The following MCPH1 variants were observed in gnomAD, a reference collection of about 807,000 sequenced individuals.
MCPH1 encodes microcephalin.
In MCPH1, 104 loss-of-function variants were observed where a neutral mutation model predicts 84.5. That is an observed-to-expected ratio of 1.23 (90% CI 1.05 to 1.45). The LOEUF (loss-of-function observed/expected upper bound fraction) is 1.45. MCPH1 is among the 40% of genes most tolerant of loss of function. The pLI, the probability that MCPH1 is intolerant of heterozygous loss-of-function variation, is 0.00. For synonymous variants in MCPH1, 514 were observed against 366.8 expected, an observed-to-expected ratio of 1.40 and a Z score of -4.58; for missense variants, 1,498 against 1,005.7, an observed-to-expected ratio of 1.49 and a Z score of -6.62.
intron 13 of MCPH1, among the ~76,000 whole-genome samples, chr8:6,642,454 A>C (rs1344483642): frequency 6.6e-6 from 1 of 152,164 alleles, no homozygotes; most frequent in Non-Finnish European, 1.5e-5. Flanking sequence ...GGGACTTTAG[A>C]GCTTCTTTAA....
intron 12 of MCPH1, among the ~76,000 whole-genome samples, chr8:6,613,231 C>T (rs1375601074): frequency 1.3e-5 from 2 of 152,152 alleles, no homozygotes; most frequent in Non-Finnish European, 2.9e-5. Flanking sequence ...AGGCTGAAGG[C>T]CAGGCAGACG....
chr8:6,590,855 G>A (rs1248982168), intron 12 of MCPH1, among the ~76,000 whole-genome samples: 1 of 152,138 alleles, frequency 6.6e-6, no homozygotes, highest in Non-Finnish European at 1.5e-5. Context: ...CGGGCCTTTG[G>A]ACCTCAAGGC....
intron 8 of MCPH1, among the ~76,000 whole-genome samples, chr8:6,451,633 G>A (rs762304191): frequency 1.3e-5 from 2 of 152,086 alleles, no homozygotes; most frequent in Admixed American, 6.5e-5. Context: ...ATACAGTCTC[G>A]TTAGCAGAGT....
At chr8:6,440,287 C>T (rs1435642700) in intron 6 of MCPH1, among the ~76,000 whole-genome samples, 2 of 151,954 alleles carry the variant, frequency 1.3e-5, no homozygotes, top group African/African-American at 4.8e-5. Flanking sequence ...TAAGTCTTTC[C>T]AGCTTCCCAC....
At chr8:6,411,177 G>T (rs1798483650) in intron 2 of MCPH1, among the ~76,000 whole-genome samples, 1 of 152,132 alleles carries the variant, frequency 6.6e-6, no homozygotes. Flanking sequence ...CATTTACACA[G>T]GCCTGGTTGA....
At chr8:6,601,664 T>G (rs1829375920) in intron 12 of MCPH1, among the ~76,000 whole-genome samples, 2 of 142,648 alleles carry the variant, frequency 1.4e-5, no homozygotes. Flanking sequence ...ACACAGACAT[T>G]AAATACACAT....
At chr8:6,528,215 G>A (rs540176590) in intron 12 of MCPH1, among the ~76,000 whole-genome samples, 1 of 152,278 alleles carries the variant, frequency 6.6e-6, no homozygotes, top group South Asian at 2.1e-4. Context: ...CTCTATCTTG[G>A]AAAGTGGTTA....
At chr8:6,486,951 C>A (rs1037197928) in intron 11 of MCPH1, among the ~76,000 whole-genome samples, 11 of 152,192 alleles carry the variant, frequency 7.2e-5, no homozygotes, top group Admixed American at 5.9e-4. Flanking sequence ...ATTCTACTTT[C>A]CCTCGAAACC....
At position 6,566,980 on chromosome 8, in the gene MCPH1, T is replaced by A. The variant is rs1278651973; in HGVS notation, c.2215-54474T>A. 1.2e-4 allele frequency among the ~76,000 whole-genome samples: 16 copies of A among 133,988 alleles called. 1 individual carries two copies. Among genetic ancestry groups the A allele is most frequent in the Non-Finnish European group, 2.4e-4 (15 of 63,794 alleles). 87.9% of individuals were successfully genotyped at this position (133,988 alleles called of 152,430 possible). On this transcript the variant is annotated intron_variant, in intron 12 of 13. Coordinates refer to ENST00000344683, the MANE Select transcript of MCPH1 (RefSeq NM_024596.5). ...GCAAGGCCATGGATAGTACACGCGGTGCGGTGACGGTGTGTGATCGGCAAG... is the reference window on the plus strand; with the variant it reads ...GCAAGGCCATGGATAGTACACGCGGAGCGGTGACGGTGTGTGATCGGCAAG...
chr8:6,636,568 C>G (rs1797571507), intron 13 of MCPH1, among the ~76,000 whole-genome samples: 2 of 152,160 alleles, frequency 1.3e-5, no homozygotes, highest in Non-Finnish European at 2.9e-5. Flanking sequence ...CAGCCTCTAA[C>G]TCCTGGCCTC....
At chr8:6,506,436 A>C (rs1429573515) in intron 12 of MCPH1, among the ~76,000 whole-genome samples, 1 of 152,024 alleles carries the variant, frequency 6.6e-6, no homozygotes, top group Non-Finnish European at 1.5e-5. Context: ...TGCCTAAGTA[A>C]ATATATTGTT....
intron 8 of MCPH1, among the ~76,000 whole-genome samples, chr8:6,454,004 A>G (rs568021067): frequency 6.6e-6 from 1 of 152,334 alleles, no homozygotes; most frequent in African/African-American, 2.4e-5. Flanking sequence ...TTTATTCTAC[A>G]TCCTTTTTCA....
intron 11 of MCPH1, among the ~76,000 whole-genome samples, chr8:6,482,696 G>C (rs1809392665): frequency 6.6e-6 from 1 of 152,226 alleles, no homozygotes; most frequent in African/African-American, 2.4e-5. Flanking sequence ...CTGGTTGTCT[G>C]CATGTCTCTG....
chr8:6,592,623 G>GTTTTTT (rs573651366), intron 12 of MCPH1, among the ~76,000 whole-genome samples: 24 of 77,558 alleles, frequency 3.1e-4, no homozygotes, highest in African/African-American at 5.4e-4. Flanking sequence ...TCTTTTTTTT[G>GTTTTTT]TTTTTTTTTT....
intron 12 of MCPH1, among the ~76,000 whole-genome samples, chr8:6,610,116 A>G (rs1830137627): frequency 6.6e-6 from 1 of 152,200 alleles, no homozygotes; most frequent in South Asian, 2.1e-4. Flanking sequence ...ACTGGCCTTG[A>G]GAGTCTCCTT....
chr8:6,598,919 G>A (rs1829148458), intron 12 of MCPH1, among the ~76,000 whole-genome samples: 1 of 152,250 alleles, frequency 6.6e-6, no homozygotes, highest in Non-Finnish European at 1.5e-5. Context: ...GAAAACACAT[G>A]TGTGCACACA....
chr8:6,489,275 T>C (rs1810297855), intron 11 of MCPH1, among the ~76,000 whole-genome samples: 1 of 151,648 alleles, frequency 6.6e-6, no homozygotes, highest in Non-Finnish European at 1.5e-5. Context: ...AGTTTAGGTT[T>C]GATCTCTGGG....
At chr8:6,476,209 A>G (rs1320217329) in intron 9 of MCPH1, among the ~76,000 whole-genome samples, 1 of 152,036 alleles carries the variant, frequency 6.6e-6, no homozygotes, top group Non-Finnish European at 1.5e-5. Flanking sequence ...TGGGTGGATC[A>G]CCTGAGGTCA....
intron 13 of MCPH1, chr8:6,626,049 C>T: frequency 1.0e-6 from 1 of 985,408 alleles, no homozygotes; most frequent in Non-Finnish European, 1.2e-6. Context: ...AGTCCACCCG[C>T]CAGCCTTTGT....
Sources: gnomAD v4.1 joint callset for allele counts (sites outside exome capture counted in the v4.1 genomes callset) on GRCh38, gnomAD v4.1.1 for gene constraint, MANE v1.5 for transcripts, NCBI Gene and HGNC (gene_info 2026-07-23, HGNC 2026-07-21) for gene names.